Variants in RUBCN observed in about 807,000 individuals in gnomAD.
RUBCN encodes rubicon autophagy regulator.
Under a neutral mutation model 113.2 loss-of-function variants are expected in RUBCN, and 74 were observed. That is an observed-to-expected ratio of 0.65 (90% CI 0.54 to 0.79). The LOEUF (loss-of-function observed/expected upper bound fraction) is 0.79, where lower values mean the gene tolerates loss of function less well. Ranked by LOEUF, RUBCN falls within the 30% of genes least tolerant of loss-of-function variation. RUBCN has a pLI of 0.00. For missense variants in RUBCN, 1,109 were observed against 1,251.7 expected (o/e 0.89, Z 1.72); for synonymous variants, 480 against 490.0 (o/e 0.98, Z 0.27).
intron 2 of RUBCN, among the ~76,000 whole-genome samples, chr3:197,716,938 T>C (rs909792561): frequency 6.6e-6 from 1 of 151,588 alleles, no homozygotes; most frequent in Non-Finnish European, 1.5e-5. Flanking sequence ...CTGGGCAACA[T>C]GGTGAAATCC....
chr3:197,723,038 C>T (rs1313289263), intron 1 of RUBCN, among the ~76,000 whole-genome samples: 1 of 152,078 alleles, frequency 6.6e-6, no homozygotes, highest in Non-Finnish European at 1.5e-5. Flanking sequence ...TTACTGTCTT[C>T]TGTTGTGGCA....
rs1380814996 is a variant in RUBCN at position 197,683,001 on chromosome 3, T to G, written c.1980+306A>C. ...GTGTGTTTCATGCCTTAAAGACAAC[T>G]GCAGAGCAAAGAATCCAAGCGATTT... On this transcript the variant is annotated intron_variant, in intron 13 of 19. Transcript: ENST00000296343. This position sits in a 1 kb window ranked among gnomAD's most constrained non-coding sequence, Gnocchi z 4.6. 6.6e-6 allele frequency among the ~76,000 whole-genome samples: 1 copy of G among 152,174 alleles called. No individual in the cohort carries two copies. The highest frequency in any genetic ancestry group is 2.4e-5 in the African/African-American group (1 of 41,452).
intron 16 of RUBCN, among the ~76,000 whole-genome samples, chr3:197,679,552 A>C (rs576635124): frequency 7.8e-5 from 11 of 141,766 alleles, no homozygotes; most frequent in Non-Finnish European, 1.2e-4. Flanking sequence ...ACGCTCTGAC[A>C]ACTGGCTCCA....
At chr3:197,746,697 A>G (rs1728759918) in intron 1 of RUBCN, among the ~76,000 whole-genome samples, 1 of 152,198 alleles carries the variant, frequency 6.6e-6, no homozygotes, top group South Asian at 2.1e-4. Flanking sequence ...CCTGCATTTT[A>G]TCTGGCAATC....
rs1045427364 is a variant in RUBCN, at chr3:197,697,189, C to T, written c.1262-140G>A. The T allele has an allele frequency of 6.0e-6, 4 of 671,890 alleles. No individual in the cohort carries two copies. The East Asian group carries it at 1.2e-4, about 19-fold the overall frequency. 41.6% of individuals were successfully genotyped at this position (671,890 alleles called of 1,614,324 possible). Reference sequence around the variant, plus strand: ...GGAGAGAGGCGGCACACCAACGGAACAGCCCAAGGGTACAGAAACACAGGG... The same window carrying T: ...GGAGAGAGGCGGCACACCAACGGAATAGCCCAAGGGTACAGAAACACAGGG... On this transcript the variant is annotated intron_variant, in intron 7 of 19. Transcript: ENST00000296343.
intron 6 of RUBCN, among the ~76,000 whole-genome samples, chr3:197,701,381 G>A (rs1040848272): frequency 6.6e-6 from 1 of 152,174 alleles, no homozygotes; most frequent in Non-Finnish European, 1.5e-5. Flanking sequence ...ACTGTTTGAA[G>A]GCTCAAATGG....
At chr3:197,690,745 A>G (rs911936606) in intron 11 of RUBCN, among the ~76,000 whole-genome samples, 1 of 152,218 alleles carries the variant, frequency 6.6e-6, no homozygotes, top group African/African-American at 2.4e-5. Context: ...TTGAACTAAA[A>G]TTCTTCATCT....
At chr3:197,728,580 T>A (rs1456139111) in intron 1 of RUBCN, among the ~76,000 whole-genome samples, 1 of 152,198 alleles carries the variant, frequency 6.6e-6, no homozygotes, top group South Asian at 2.1e-4. Flanking sequence ...TGCCCATCTG[T>A]AAGAGGGATG....
At chr3:197,701,199 A>T in intron 6 of RUBCN, 53 bp from the exon 7 acceptor site, 1 of 1,435,318 alleles carries the variant, frequency 7.0e-7, no homozygotes, top group Non-Finnish European at 9.3e-7. Flanking sequence ...GGAATCCTGC[A>T]GTATGTATGA....
chr3:197,704,783 T>C (rs924582467), intron 3 of RUBCN, 82 bp from the exon 4 acceptor site: 9 of 1,392,684 alleles, frequency 6.5e-6, no homozygotes, highest in Admixed American at 5.3e-5. Flanking sequence ...GAGAACTAAA[T>C]TGAGACAGGT....
In RUBCN at chr3:197,694,604, CA is replaced by C; in HGVS notation, c.1474-20del. 4.4e-6 allele frequency: 7 copies of C among 1,596,742 alleles called. No homozygotes were observed. The highest frequency in any genetic ancestry group is 6.0e-6 in the Non-Finnish European group (7 of 1,164,186). ...CATTCTCCTGGCGGAAGGAGAGCAC[CA>C]AACAGGCAAAGGGTTAGAAGTATTG... On this transcript the variant is annotated intron_variant, in intron 9 of 19. Coordinates refer to ENST00000296343, the MANE Select transcript of RUBCN (RefSeq NM_014687.4).
chr3:197,681,976 A>G lies in RUBCN; in HGVS notation c.2127-77T>C. 19 of 1,074,836 alleles carry G rather than the reference A, an allele frequency of 1.8e-5. 2 individuals are homozygous for G. The South Asian group carries it at 2.4e-4, about 14-fold the overall frequency. 66.6% of individuals were successfully genotyped at this position (1,074,836 alleles called of 1,614,324 possible). A position where few individuals can be genotyped will look rare whatever the true frequency, so the allele number is the denominator to read the frequency against. ...TGGAGGTGTGAAGGAGTGAGCACAC[A>G]TACATACAGCTCCAGTTAAGTATGG... On this transcript the variant is annotated intron_variant, in intron 14 of 19. Coordinates refer to ENST00000296343, the MANE Select transcript of RUBCN (RefSeq NM_014687.4). The surrounding 1 kb of genome is among the most constrained non-coding windows in gnomAD (Gnocchi z 5.5).
intron 5 of RUBCN, among the ~76,000 whole-genome samples, chr3:197,702,912 T>G (rs57039686): frequency 6.6e-6 from 1 of 151,974 alleles, no homozygotes; most frequent in African/African-American, 2.4e-5. Flanking sequence ...GACACTAAAC[T>G]CTATCCGATT....
intron 4 of RUBCN, 25 bp downstream of exon 4, chr3:197,704,517 A>G: frequency 6.2e-7 from 1 of 1,608,922 alleles, no homozygotes; most frequent in Non-Finnish European, 8.5e-7. Context: ...AGCACAGATG[A>G]CAGTCCTAAG....
intron 7 of RUBCN, among the ~76,000 whole-genome samples, chr3:197,700,068 C>T (rs1178432183): frequency 6.6e-6 from 1 of 152,196 alleles, no homozygotes. Context: ...GAGGTCCCAG[C>T]TGCCAGGGCC....
chr3:197,676,757 T>C, intron 18 of RUBCN, 128 bp downstream of exon 18: 1 of 1,563,042 alleles, frequency 6.4e-7, no homozygotes. Context: ...CCCTTTCCAG[T>C]TCCTCTCCCA....
At chr3:197,725,547 G>C (rs1464765690) in intron 1 of RUBCN, among the ~76,000 whole-genome samples, 2 of 76,326 alleles carry the variant, frequency 2.6e-5, no homozygotes, top group Non-Finnish European at 4.6e-5. Context: ...TTTTTTTGTA[G>C]AGACCAGAGT....
intron 7 of RUBCN, chr3:197,699,305 C>T: frequency 8.7e-7 from 1 of 1,144,634 alleles, no homozygotes; most frequent in Non-Finnish European, 1.3e-6. Context: ...AAAAAAGTGT[C>T]CTAAATTTTA....
Position 197,668,915 on chromosome 3 carries a change from C to G in RUBCN, c.*6103G>C, listed in dbSNP as rs143246388. Among the ~76,000 whole-genome samples, 247 of 152,268 alleles carry G rather than the reference C, an allele frequency of 1.6e-3. 1 individual carries two copies. The highest frequency in any genetic ancestry group is 3.5e-3 in the Admixed American group (54 of 15,302). On this transcript the variant is annotated 3_prime_UTR_variant, in exon 20 of 20. Coordinates refer to ENST00000296343, the MANE Select transcript of RUBCN (RefSeq NM_014687.4). ...GAAAATGACTCATTTACAGCTAATT[C>G]AGTAAGCAGATAAGAGGAAAAAATA...
Sources: allele counts gnomAD v4.1 joint callset (sites outside exome capture counted in the v4.1 genomes callset), GRCh38; gene constraint gnomAD v4.1.1; non-coding constraint Gnocchi (gnomAD v3.1); transcripts MANE v1.5; gene names NCBI Gene and HGNC (gene_info 2026-07-23, HGNC 2026-07-21).